The following TEC variants were observed in gnomAD, a reference collection of about 807,000 sequenced individuals.
TEC encodes the protein tyrosine-protein kinase Tec.
In TEC, 72 loss-of-function variants were observed where a neutral mutation model predicts 93.0. The ratio of observed to expected loss-of-function variants is 0.77; its 90% CI spans 0.64 to 0.94. The LOEUF (loss-of-function observed/expected upper bound fraction) is 0.94. TEC is among the 40% of genes least tolerant of loss of function. TEC has a pLI of 0.00. For missense variants in TEC, 630 were observed against 757.9 expected, an observed-to-expected ratio of 0.83 and a Z score of 1.98; for synonymous variants, 249 against 247.7, an observed-to-expected ratio of 1.01 and a Z score of -0.05.
chr4:48,198,766 T>C (rs989532444), intron 2 of TEC, among the ~76,000 whole-genome samples: 1 of 152,080 alleles, frequency 6.6e-6, no homozygotes, highest in African/African-American at 2.4e-5. Context: ...TTTTTTTCTC[T>C]CCTTCACACA....
intron 1 of TEC, among the ~76,000 whole-genome samples, chr4:48,256,725 T>C (rs1252944493): frequency 6.6e-6 from 1 of 151,596 alleles, no homozygotes; most frequent in East Asian, 1.9e-4. Context: ...GTCTACAATA[T>C]AAATGACATC....
At chr4:48,207,817 A>G (rs566466091) in intron 2 of TEC, among the ~76,000 whole-genome samples, 7 of 152,156 alleles carry the variant, frequency 4.6e-5, no homozygotes, top group Non-Finnish European at 1.0e-4. Context: ...CCAGAATTTA[A>G]GCATAATGGA....
intron 1 of TEC, among the ~76,000 whole-genome samples, chr4:48,263,820 GTAGTGTACACT>G (rs1285889086): frequency 6.6e-6 from 1 of 152,176 alleles, no homozygotes; most frequent in African/African-American, 2.4e-5. Context: ...TGATCAATTG[GTAGTGTACACT>G]TAGAGTTGTA....
At chr4:48,155,152 T>C (rs1247098546) in intron 9 of TEC, among the ~76,000 whole-genome samples, 1 of 152,216 alleles carries the variant, frequency 6.6e-6, no homozygotes, top group Non-Finnish European at 1.5e-5. Context: ...AAAGTTGGAA[T>C]GTTTGAACAG....
chr4:48,264,350 A>C (rs76942152), intron 1 of TEC, among the ~76,000 whole-genome samples: 12,505 of 152,192 alleles, frequency 0.082, 661 homozygotes, highest in South Asian at 0.18. Context: ...CCCCAGCAAA[A>C]AACCTGGAGT....
At chr4:48,265,856 AAGTTTCC>A (rs1724627821) in intron 1 of TEC, among the ~76,000 whole-genome samples, 1 of 152,130 alleles carries the variant, frequency 6.6e-6, no homozygotes, top group South Asian at 2.1e-4. Flanking sequence ...TGAAGAATGA[AAGTTTCC>A]AGATTCAAAG....
At chr4:48,161,830 G>A (rs1720676935) in intron 8 of TEC, among the ~76,000 whole-genome samples, 1 of 152,046 alleles carries the variant, frequency 6.6e-6, no homozygotes, top group African/African-American at 2.4e-5. Context: ...ATAAAAGCAG[G>A]CAGAAGAACT....
At chr4:48,234,886 A>G (rs776164520) in intron 1 of TEC, among the ~76,000 whole-genome samples, 5 of 152,204 alleles carry the variant, frequency 3.3e-5, no homozygotes, top group African/African-American at 4.8e-5. Context: ...AAAAGCAAGA[A>G]GTAGCAATGT....
chr4:48,191,835 G>A (rs977722326), intron 2 of TEC, among the ~76,000 whole-genome samples: 2 of 152,072 alleles, frequency 1.3e-5, no homozygotes, highest in African/African-American at 2.4e-5. Flanking sequence ...CCAGCTACTC[G>A]GGAGGTTGAG....
chr4:48,235,101 C>A (rs1723749965), intron 1 of TEC, among the ~76,000 whole-genome samples: 1 of 151,984 alleles, frequency 6.6e-6, no homozygotes, highest in African/African-American at 2.4e-5. Context: ...TTAGTAACAT[C>A]AAGTTACTTC....
At chr4:48,198,575 A>G (rs1722383732) in intron 2 of TEC, among the ~76,000 whole-genome samples, 1 of 152,202 alleles carries the variant, frequency 6.6e-6, no homozygotes, top group Non-Finnish European at 1.5e-5. Flanking sequence ...CCAACATAAT[A>G]TATAAGCTTT....
chr4:48,161,839 C>A (rs1328474532), intron 8 of TEC, among the ~76,000 whole-genome samples: 1 of 152,052 alleles, frequency 6.6e-6, no homozygotes. Flanking sequence ...GGCAGAAGAA[C>A]TTGGAAAGAC....
chr4:48,249,746 C>A (rs1724153548), intron 1 of TEC, among the ~76,000 whole-genome samples: 1 of 152,198 alleles, frequency 6.6e-6, no homozygotes, highest in Non-Finnish European at 1.5e-5. Flanking sequence ...ATTACTAAGA[C>A]CCTGGCAGGT....
At chr4:48,138,001 T>C (rs1014767481) in intron 17 of TEC, among the ~76,000 whole-genome samples, 2 of 152,174 alleles carry the variant, frequency 1.3e-5, no homozygotes, top group African/African-American at 2.4e-5. Flanking sequence ...TGGGAGGCAG[T>C]ACAGCAAGTG....
chr4:48,185,482 C>T (rs930732536), intron 2 of TEC, among the ~76,000 whole-genome samples: 2 of 152,188 alleles, frequency 1.3e-5, no homozygotes, highest in Non-Finnish European at 2.9e-5. Context: ...GAAACTGCTG[C>T]CTCTTTACCA....
chr4:48,236,312 C>T lies in TEC; in HGVS notation c.-45-7653G>A, dbSNP rs183039805. Among the ~76,000 whole-genome samples the T allele has an allele frequency of 2.3e-3, 352 of 151,628 alleles. 3 individuals carry two copies. The highest frequency in any genetic ancestry group is 3.4e-3 in the Non-Finnish European group (229 of 67,918). ...TTTGTTTTTTTTTGAGACGGAGTCT[C>T]GCTCTGTCGCCCAGACTGGAGTGCA... is the stretch of plus-strand genomic sequence containing the variant. On this transcript the variant is annotated intron_variant, in intron 1 of 17. Transcript: ENST00000381501.
chr4:48,177,505 G>A (rs1721378066), intron 2 of TEC, among the ~76,000 whole-genome samples: 1 of 152,106 alleles, frequency 6.6e-6, no homozygotes, highest in Non-Finnish European at 1.5e-5. Flanking sequence ...CCAGGAACCT[G>A]CTCTGCATCC....
chr4:48,161,034 C>A (rs892312167), intron 8 of TEC, among the ~76,000 whole-genome samples: 5 of 152,006 alleles, frequency 3.3e-5, no homozygotes, highest in African/African-American at 4.8e-5. Context: ...TATTAAATCC[C>A]TAATGTGAAT....
intron 1 of TEC, among the ~76,000 whole-genome samples, chr4:48,267,632 T>A (rs1383171467): frequency 2.0e-5 from 3 of 152,212 alleles, no homozygotes; most frequent in East Asian, 1.9e-4. Context: ...TTGATCTGGG[T>A]TTGACTTCAG....
Sources: gnomAD v4.1 joint callset for allele counts (sites outside exome capture counted in the v4.1 genomes callset) on GRCh38, gnomAD v4.1.1 for gene constraint, MANE v1.5 for transcripts, NCBI Gene and HGNC (gene_info 2026-07-23, HGNC 2026-07-21) for gene names.